The following REDIC1 variants were observed in gnomAD, a reference collection of about 807,000 sequenced individuals.
REDIC1 encodes regulator of DNA class I crossover intermediates 1, also known as HEI10 Interacting Protein 1.
At chr12:39,838,353 AG>A in the REDIC1 span, among the ~76,000 whole-genome samples, 1 of 69,826 alleles carries the variant, frequency 1.4e-5, no homozygotes, top group African/African-American at 5.5e-5. Flanking sequence ...GGGTGGGGGG[AG>A]GGGGGAGGGA....
At chr12:39,806,377 C>G in the REDIC1 span, among the ~76,000 whole-genome samples, 1 of 152,170 alleles carries the variant, frequency 6.6e-6, no homozygotes, top group African/African-American at 2.4e-5. Context: ...AATCAATCAC[C>G]CTTTTTCACT....
At chr12:39,684,302 T>C in the REDIC1 span, 1 of 930,566 alleles carries the variant, frequency 1.1e-6, no homozygotes, top group Non-Finnish European at 1.3e-6. Flanking sequence ...AAAATAGTCC[T>C]AACTTTCTTG....
At chr12:39,770,615 A>G in the REDIC1 span, among the ~76,000 whole-genome samples, 1 of 152,178 alleles carries the variant, frequency 6.6e-6, no homozygotes, top group Non-Finnish European at 1.5e-5. Context: ...AACATTAAAT[A>G]TTCCCATCTG....
the REDIC1 span, chr12:39,764,687 A>C: frequency 6.3e-7 from 1 of 1,593,464 alleles, no homozygotes; most frequent in Non-Finnish European, 8.5e-7. Context: ...TATCTACTCC[A>C]AAAAGAGGCA....
At chr12:39,893,876 T>C in the REDIC1 span, among the ~76,000 whole-genome samples, 2 of 152,194 alleles carry the variant, frequency 1.3e-5, no homozygotes, top group Non-Finnish European at 2.9e-5. Context: ...GAATTCACAA[T>C]CCATATGAAA....
chr12:39,896,426 A>G, the REDIC1 span, among the ~76,000 whole-genome samples: 192 of 143,650 alleles, frequency 1.3e-3, 1 homozygote, highest in South Asian at 6.4e-4. Context: ...GTATATGTGT[A>G]TATATGTATA....
the REDIC1 span, among the ~76,000 whole-genome samples, chr12:39,628,038 A>T: frequency 2.0e-5 from 3 of 152,130 alleles, no homozygotes; most frequent in Non-Finnish European, 4.4e-5. Flanking sequence ...AGGCAGTTTC[A>T]GAAGCTTGGC....
the REDIC1 span, among the ~76,000 whole-genome samples, chr12:39,821,018 C>T: frequency 6.6e-6 from 1 of 152,022 alleles, no homozygotes; most frequent in Non-Finnish European, 1.5e-5. Context: ...GCACTGCTCC[C>T]CAAACTCATG....
At chr12:39,712,708 TATATAG>T in the REDIC1 span, among the ~76,000 whole-genome samples, 2 of 4,502 alleles carry the variant, frequency 4.4e-4, no homozygotes, top group Non-Finnish European at 1.1e-3. Context: ...TGTATATATG[TATATAG>T]ACGTATACGT....
chr12:39,731,400 C>T, the REDIC1 span, among the ~76,000 whole-genome samples: 1 of 152,148 alleles, frequency 6.6e-6, no homozygotes, highest in Admixed American at 6.5e-5. Context: ...TTCCTTCTAA[C>T]AGGCCCCTCT....
the REDIC1 span, among the ~76,000 whole-genome samples, chr12:39,856,784 A>G: frequency 6.6e-6 from 1 of 152,250 alleles, no homozygotes; most frequent in Non-Finnish European, 1.5e-5. Flanking sequence ...ATGATGGGAA[A>G]TACTCCAACT....
the REDIC1 span, among the ~76,000 whole-genome samples, chr12:39,694,791 A>G: frequency 6.6e-6 from 1 of 151,674 alleles, no homozygotes; most frequent in Non-Finnish European, 1.5e-5. Flanking sequence ...TGTGGCAATC[A>G]CCCCTCCCGT....
At chr12:39,660,575 T>C in the REDIC1 span, among the ~76,000 whole-genome samples, 1 of 152,138 alleles carries the variant, frequency 6.6e-6, no homozygotes, top group South Asian at 2.1e-4. Context: ...GGTATGTTGT[T>C]GCATGCATGG....
At chr12:39,837,533 T>C in the REDIC1 span, among the ~76,000 whole-genome samples, 1 of 141,940 alleles carries the variant, frequency 7.0e-6, no homozygotes, top group South Asian at 2.5e-4. Flanking sequence ...CAAAAGAAAC[T>C]ACCATCAGAG....
the REDIC1 span, among the ~76,000 whole-genome samples, chr12:39,895,098 G>A: frequency 2.0e-5 from 3 of 151,872 alleles, no homozygotes; most frequent in African/African-American, 7.3e-5. Flanking sequence ...TGAACTTCTT[G>A]GCCCCAGTGA....
the REDIC1 span, among the ~76,000 whole-genome samples, chr12:39,867,373 C>G: frequency 4.6e-5 from 7 of 151,920 alleles, no homozygotes; most frequent in Non-Finnish European, 8.8e-5. Flanking sequence ...AATTCTAGTG[C>G]CTGGCATATA....
At chr12:39,876,209 C>T in the REDIC1 span, among the ~76,000 whole-genome samples, 2 of 152,106 alleles carry the variant, frequency 1.3e-5, no homozygotes, top group African/African-American at 4.8e-5. Flanking sequence ...ACGTGCATTG[C>T]TATCTTAGAG....
chr12:39,770,317 T>A, the REDIC1 span, among the ~76,000 whole-genome samples: 1 of 152,118 alleles, frequency 6.6e-6, no homozygotes, highest in Non-Finnish European at 1.5e-5. Context: ...GCTATGAACA[T>A]CTAGATCCTG....
At chr12:39,843,766 A>G in the REDIC1 span, among the ~76,000 whole-genome samples, 4 of 152,084 alleles carry the variant, frequency 2.6e-5, no homozygotes, top group Non-Finnish European at 5.9e-5. Context: ...AGATATAAGC[A>G]GAGTTGTTTG....
Sources: gnomAD v4.1 joint callset for allele counts (sites outside exome capture counted in the v4.1 genomes callset) on GRCh38, gnomAD v4.1.1 for gene constraint, MANE v1.5 for transcripts, NCBI Gene and HGNC (gene_info 2026-07-23, HGNC 2026-07-21) for gene names.